The following ERRFI1 variants were observed in gnomAD, a reference collection of about 807,000 sequenced individuals.
The protein encoded by ERRFI1 is ERBB receptor feedback inhibitor 1, also known as mitogen-inducible gene 6 protein.
In ERRFI1, 12 loss-of-function variants were observed where a neutral mutation model predicts 14.6. The ratio of observed to expected loss-of-function variants is 0.82; its 90% confidence interval spans 0.53 to 1.33. ERRFI1 has a LOEUF of 1.33. Among genes scored for constraint, ERRFI1 ranks in the 40% most tolerant of loss-of-function variants. The pLI, the probability that ERRFI1 is intolerant of heterozygous loss-of-function variation, is 0.00. For missense variants in ERRFI1, 482 were observed against 572.1 expected (o/e 0.84, Z 1.61); for synonymous variants, 202 against 209.9 (o/e 0.96, Z 0.32).
chr1:8,021,021 T>G (rs1641268012), intron 1 of ERRFI1, among the ~76,000 whole-genome samples: 1 of 152,206 alleles, frequency 6.6e-6, no homozygotes, highest in African/African-American at 2.4e-5. Context: ...AAAATACTCC[T>G]GCATGAATTC....
At position 8,013,608 on chromosome 1, in the gene ERRFI1, G is replaced by T. The variant is rs768497001; in HGVS notation, c.991C>A (p.Arg331Ser). Residue 331 changes from arginine to serine, a missense_variant, in exon 4 of 4, where the codon CGC (arginine) becomes AGC (serine). Physicochemically the swap from Arg to Ser is moderately radical, Grantham distance 110. Coordinates refer to ENST00000377482, the MANE Select transcript of ERRFI1 (RefSeq NM_018948.4). This position sits in a 1 kb window ranked among gnomAD's most constrained non-coding sequence, Gnocchi z 4.3. ...PREPLSPSNS[R>S]TPSPKSLPSY... ...GGAAGGCTTTTGGGACTCGGTGTGCGCGAGTTACTCGGTGACAAAGGTTCT... is the reference window on the plus strand; with the variant it reads ...GGAAGGCTTTTGGGACTCGGTGTGCTCGAGTTACTCGGTGACAAAGGTTCT... The T allele has an allele frequency of 5.0e-6, 8 of 1,613,994 alleles. No individual in the cohort carries two copies. The highest frequency in any genetic ancestry group is 1.7e-5 in the Admixed American group (1 of 59,996).
intron 1 of ERRFI1, among the ~76,000 whole-genome samples, chr1:8,024,826 A>G (rs1569602414): frequency 6.6e-6 from 1 of 152,288 alleles, no homozygotes; most frequent in South Asian, 2.1e-4. Context: ...TCTTTGCAAA[A>G]TTTGATCATT....
Position 8,012,458 on chromosome 1 carries a change from G to A in ERRFI1, c.*752C>T, listed in dbSNP as rs753474836. On this transcript the variant is annotated 3_prime_UTR_variant, in exon 4 of 4. Transcript: ENST00000377482. ...CTACTTCAGTGGGTGGGACCAAGCAGGAACTGTAAGGGAAAATTAGTCACT... is the reference window on the plus strand; with the variant it reads ...CTACTTCAGTGGGTGGGACCAAGCAAGAACTGTAAGGGAAAATTAGTCACT... The A allele has an allele frequency of 1.2e-4, 27 of 229,956 alleles. No individual in the cohort carries two copies. The highest frequency in any genetic ancestry group is 3.4e-4 in the Admixed American group (6 of 17,646). The allele number at this position is 229,956 out of a possible 1,614,324, so 14.2% of individuals were successfully genotyped here.
In ERRFI1 at chr1:8,012,751, T is replaced by C. The variant is rs781442523; in HGVS notation, c.*459A>G. On this transcript the variant is annotated 3_prime_UTR_variant, in exon 4 of 4. Transcript: ENST00000377482. ...TCTTCAAACTTACTAAACAAAAATA[T>C]TTTTTAATGATTCTGATCTAAACAA... The C allele has an allele frequency of 8.6e-6, 2 of 231,250 alleles. No individual in the cohort carries two copies. The highest frequency in any genetic ancestry group is 2.2e-5 in the African/African-American group (1 of 45,304). The allele number at this position is 231,250 out of a possible 1,614,324, so 14.3% of individuals were successfully genotyped here.
Position 8,012,754 on chromosome 1 carries a change from T to C in ERRFI1, c.*456A>G. The C allele has an allele frequency of 8.6e-6, 2 of 231,390 alleles. No homozygotes were observed. The highest frequency in any genetic ancestry group is 8.5e-6 in the Non-Finnish European group (1 of 117,034). The allele number at this position is 231,390 out of a possible 1,614,324, so 14.3% of individuals were successfully genotyped here. On this transcript the variant is annotated 3_prime_UTR_variant, in exon 4 of 4. Coordinates refer to ENST00000377482, the MANE Select transcript of ERRFI1 (RefSeq NM_018948.4). ...TCAAACTTACTAAACAAAAATATTT[T>C]TTAATGATTCTGATCTAAACAATAC...
intron 1 of ERRFI1, among the ~76,000 whole-genome samples, chr1:8,016,241 T>C (rs1641171777): frequency 6.6e-6 from 1 of 152,214 alleles, no homozygotes; most frequent in African/African-American, 2.4e-5. Flanking sequence ...CTGGATTTTG[T>C]ATTTCAGGGT....
chr1:8,014,237 T>A lies in ERRFI1; in HGVS notation c.362A>T (p.Asn121Ile), dbSNP rs2124062177. 4 of 1,614,148 alleles carry A rather than the reference T, an allele frequency of 2.5e-6. No homozygotes were observed. Among genetic ancestry groups the A allele is most frequent in the Non-Finnish European group, 3.4e-6 (4 of 1,180,030 alleles). Reference sequence around the variant, plus strand: ...TGGAGGGGTGGAAGCACAAACCCCATTCACTGTGAGTTTCTTAAAACCACA... The same window carrying A: ...TGGAGGGGTGGAAGCACAAACCCCAATCACTGTGAGTTTCTTAAAACCACA... ...VVCGFKKLTVNGVCASTPPLT... is the reference protein window; with the variant it reads ...VVCGFKKLTVIGVCASTPPLT... The change falls in exon 4 of 4, where the codon AAT (asparagine) becomes ATT (isoleucine). Residue 121 changes from asparagine (N) to isoleucine (I), a missense_variant. Transcript: ENST00000377482.
At chr1:8,015,998 C>T (rs1010937266) in intron 1 of ERRFI1, among the ~76,000 whole-genome samples, 2 of 152,204 alleles carry the variant, frequency 1.3e-5, no homozygotes, top group African/African-American at 4.8e-5. Context: ...ATCACACTCA[C>T]TTGGCAATGC....
At chr1:8,018,495 T>C (rs1641230607) in intron 1 of ERRFI1, among the ~76,000 whole-genome samples, 1 of 151,862 alleles carries the variant, frequency 6.6e-6, no homozygotes, top group Admixed American at 6.6e-5. Flanking sequence ...TTACAACTCA[T>C]TAGAGGAAAA....
chr1:8,026,143 C>G lies in ERRFI1; in HGVS notation c.-74+15G>C, dbSNP rs1569606134. 1 of 151,782 alleles carries G rather than the reference C, an allele frequency of 6.6e-6. No homozygotes were observed. The highest frequency in any genetic ancestry group is 2.1e-4 in the South Asian group (1 of 4,836). The allele number at this position is 151,782 out of a possible 1,614,324, so 9.4% of individuals were successfully genotyped here. On this transcript the variant is annotated intron_variant, in intron 1 of 3. Transcript: ENST00000377482. ...CGTGGCCCTCCCCACCCCCTCAGCG[C>G]GCCAGGCCCCTTACCCCGGAGGAGC...
intron 1 of ERRFI1, 117 bp downstream of exon 1, chr1:8,026,030 CCGCGCCCTCCA>C (rs1641343218): frequency 6.6e-6 from 1 of 151,886 alleles, no homozygotes; most frequent in African/African-American, 2.4e-5. Flanking sequence ...GCGACCCTCC[CCGCGCCCTCCA>C]CGCCCCCGCC....
intron 1 of ERRFI1, among the ~76,000 whole-genome samples, chr1:8,018,015 A>G (rs578193640): frequency 6.6e-6 from 1 of 152,252 alleles, no homozygotes; most frequent in South Asian, 2.1e-4. Context: ...TTTTAGTATA[A>G]AAAGAATTGT....
chr1:8,014,897 A>G (rs1641150959), intron 3 of ERRFI1: 1 of 208,250 alleles, frequency 4.8e-6, no homozygotes, highest in Non-Finnish European at 9.8e-6. Flanking sequence ...GGAACAGAAT[A>G]TTCACATTAA....
chr1:8,020,605 GT>G (rs1641261790), intron 1 of ERRFI1, among the ~76,000 whole-genome samples: 1 of 147,012 alleles, frequency 6.8e-6, no homozygotes, highest in Admixed American at 6.9e-5. Context: ...CCAGGCTGGA[GT>G]GCAATGGTGC....
chr1:8,019,061 T>C (rs1363161739), intron 1 of ERRFI1, among the ~76,000 whole-genome samples: 2 of 152,196 alleles, frequency 1.3e-5, no homozygotes, highest in Admixed American at 1.3e-4. Context: ...CCTGAGGCCA[T>C]GTACATTCAA....
rs1449925618 is a variant in ERRFI1, at chr1:8,014,007, T to C, written c.592A>G (p.Arg198Gly). 6.2e-7 allele frequency: 1 copy of C among 1,614,188 alleles called. No individual in the cohort carries two copies. The highest frequency in any genetic ancestry group is 1.7e-5 in the Admixed American group (1 of 60,018). The change falls in exon 4 of 4, where the codon AGG becomes GGG. Residue 198 changes from arginine (R) to glycine (G), a missense_variant. By Grantham distance (125) the Arg-to-Gly change is moderately radical (BLOSUM62 -2). Coordinates refer to ENST00000377482, the MANE Select transcript of ERRFI1 (RefSeq NM_018948.4). ...LSDFKYDVPG[R>G]RSFRGCGQIN... ...TGTCCACACCCACGGAAGCTTCGCC[T>C]GCCAGGAACATCATATTTGAAATCA...
chr1:8,020,685 C>T (rs404381), intron 1 of ERRFI1, among the ~76,000 whole-genome samples: 46,782 of 151,532 alleles, frequency 0.31, 9,234 homozygotes, highest in East Asian at 0.63. Context: ...GCTGGGATTA[C>T]AGGCATGCAC....
At chr1:8,014,445 C>G in intron 3 of ERRFI1, 49 bp from the exon 4 acceptor site, 1 of 1,485,658 alleles carries the variant, frequency 6.7e-7, no homozygotes, top group Non-Finnish European at 9.0e-7. Context: ...CCTCTCTCCA[C>G]CTGTGTGAGG....
At chr1:8,023,526 G>A (rs1415191016) in intron 1 of ERRFI1, among the ~76,000 whole-genome samples, 1 of 152,134 alleles carries the variant, frequency 6.6e-6, no homozygotes, top group African/African-American at 2.4e-5. Context: ...CCATCTGCCC[G>A]CCTTGGCCTC....
Sources: allele counts gnomAD v4.1 joint callset (sites outside exome capture counted in the v4.1 genomes callset), GRCh38; gene constraint gnomAD v4.1.1; non-coding constraint Gnocchi (gnomAD v3.1); transcripts MANE v1.5; gene names NCBI Gene and HGNC (gene_info 2026-07-23, HGNC 2026-07-21).